The following ANKRD17 variants were observed in gnomAD, a reference collection of about 807,000 sequenced individuals.
ANKRD17 encodes ankyrin repeat domain-containing protein 17.
A neutral mutation model predicts 229.7 loss-of-function variants in ANKRD17; 19 were observed. That is an observed-to-expected ratio of 0.08 (90% CI 0.06 to 0.12). ANKRD17 has a LOEUF of 0.12. Among genes scored for constraint, ANKRD17 ranks in the 10% least tolerant of loss-of-function variants. ANKRD17 has a pLI of 1.00. For synonymous variants in ANKRD17, 1,112 were observed against 1,146.1 expected (o/e 0.97, Z 0.60); for missense variants, 2,176 against 3,176.8 (o/e 0.68, Z 7.57).
chr4:73,212,721 A>G (rs1740452456), intron 1 of ANKRD17, among the ~76,000 whole-genome samples: 1 of 152,166 alleles, frequency 6.6e-6, no homozygotes, highest in South Asian at 2.1e-4. Context: ...TTCTTTGTGA[A>G]ATATAAGAAT....
chr4:73,140,902 T>A (rs1460179763), intron 14 of ANKRD17, among the ~76,000 whole-genome samples: 2 of 152,172 alleles, frequency 1.3e-5, no homozygotes, highest in Non-Finnish European at 2.9e-5. Flanking sequence ...TGGGATTCAG[T>A]TTCCCTGGAA....
intron 1 of ANKRD17, among the ~76,000 whole-genome samples, chr4:73,182,079 A>T (rs1735650581): frequency 6.7e-6 from 1 of 149,274 alleles, no homozygotes; most frequent in Admixed American, 6.7e-5. Context: ...AAAAAAAAAA[A>T]AAAAAAAAAA....
At chr4:73,123,670 T>A (rs1030708506) in intron 18 of ANKRD17, among the ~76,000 whole-genome samples, 4 of 152,114 alleles carry the variant, frequency 2.6e-5, no homozygotes, top group Admixed American at 1.3e-4. Context: ...TTACATAATT[T>A]TATTAGATTT....
At chr4:73,195,078 T>A (rs967931565) in intron 1 of ANKRD17, among the ~76,000 whole-genome samples, 1 of 152,178 alleles carries the variant, frequency 6.6e-6, no homozygotes, top group Non-Finnish European at 1.5e-5. Context: ...TTGTTATCAG[T>A]GGATGATGAA....
chr4:73,125,441 A>G, intron 16 of ANKRD17, 129 bp from the exon 17 acceptor site: 1 of 754,528 alleles, frequency 1.3e-6, no homozygotes, highest in Non-Finnish European at 2.1e-6. Flanking sequence ...GCATTTGAAA[A>G]GCAAGGTTTA....
chr4:73,093,143 T>C (rs1292666194), intron 28 of ANKRD17, among the ~76,000 whole-genome samples: 2 of 152,188 alleles, frequency 1.3e-5, no homozygotes, highest in Admixed American at 6.5e-5. Flanking sequence ...CTCTCCTATA[T>C]AATGCAAAGG....
At chr4:73,177,930 C>A (rs1204468848) in intron 1 of ANKRD17, among the ~76,000 whole-genome samples, 1 of 152,094 alleles carries the variant, frequency 6.6e-6, no homozygotes, top group Admixed American at 6.6e-5. Context: ...ACTGAACTCC[C>A]AAGGACTTTA....
chr4:73,252,453 C>G (rs182106926), intron 1 of ANKRD17, among the ~76,000 whole-genome samples: 25 of 152,272 alleles, frequency 1.6e-4, no homozygotes, highest in African/African-American at 5.3e-4. Flanking sequence ...GACCAAATTC[C>G]CCACTAAATC....
chr4:73,203,790 TAATGTCTGAA>T (rs1739035267), intron 1 of ANKRD17, among the ~76,000 whole-genome samples: 2 of 124,372 alleles, frequency 1.6e-5, no homozygotes, highest in Non-Finnish European at 3.5e-5. Context: ...GAAAAAGAAA[TAATGTCTGAA>T]AATTCTCAAA....
intron 27 of ANKRD17, among the ~76,000 whole-genome samples, chr4:73,094,691 G>A (rs570439628): frequency 1.4e-5 from 2 of 147,920 alleles, no homozygotes; most frequent in Non-Finnish European, 3.0e-5. Flanking sequence ...ACATATATAT[G>A]TATATACGTA....
chr4:73,181,493 C>G (rs920158185), intron 1 of ANKRD17, among the ~76,000 whole-genome samples: 21 of 152,222 alleles, frequency 1.4e-4, no homozygotes, highest in Non-Finnish European at 4.4e-5. Context: ...CATTACAAAA[C>G]AAGTGAAGAG....
rs1472043429 is a variant in ANKRD17, at chr4:73,102,390, T to G, written c.4559A>C (p.Lys1520Thr). 6.3e-7 allele frequency: 1 copy of G among 1,582,298 alleles called. No individual in the cohort carries two copies. Among genetic ancestry groups the G allele is most frequent in the South Asian group, 1.2e-5 (1 of 83,644 alleles). Residue 1520 changes from lysine (K) to threonine (T), a missense_variant, in exon 25 of 34, where the codon AAG becomes ACG. Transcript: ENST00000358602. ...AGAGAAAATACCTTCAACTTTAAGC[T>G]TTTCTTTTTCTTGAGCAGCTTGGAG... ...FELQAAQEKE[K>T]LKVEDEPEVL...
intron 1 of ANKRD17, among the ~76,000 whole-genome samples, chr4:73,231,466 A>G (rs988579121): frequency 6.6e-6 from 1 of 152,176 alleles, no homozygotes; most frequent in South Asian, 2.1e-4. Context: ...TTTCCAGCCT[A>G]ATCTATTCAT....
chr4:73,087,594 G>T (rs1228673383), intron 29 of ANKRD17, among the ~76,000 whole-genome samples: 1 of 152,208 alleles, frequency 6.6e-6, no homozygotes, highest in African/African-American at 2.4e-5. Flanking sequence ...AAAGTAATGT[G>T]TGAATCTTGA....
chr4:73,085,220 C>T (rs1721995641), intron 30 of ANKRD17, 29 bp downstream of exon 30: 3 of 1,601,774 alleles, frequency 1.9e-6, no homozygotes, highest in African/African-American at 1.3e-5. Context: ...TATGCAGATT[C>T]TTATGGAATT....
intron 1 of ANKRD17, among the ~76,000 whole-genome samples, chr4:73,186,371 TAA>T (rs1331556067): frequency 2.0e-5 from 3 of 152,060 alleles, no homozygotes; most frequent in Non-Finnish European, 4.4e-5. Context: ...ATCTTTCTTG[TAA>T]AAAGAATGGT....
intron 1 of ANKRD17, among the ~76,000 whole-genome samples, chr4:73,223,965 C>G (rs560972223): frequency 3.3e-5 from 5 of 152,172 alleles, no homozygotes; most frequent in African/African-American, 7.2e-5. Flanking sequence ...GAAAAAGGAA[C>G]AATGGGCCGA....
At chr4:73,146,950 C>T in intron 9 of ANKRD17, 77 bp from the exon 10 acceptor site, 2 of 1,186,636 alleles carry the variant, frequency 1.7e-6, no homozygotes, top group Non-Finnish European at 2.4e-6. Context: ...AAAACTTCTT[C>T]TAGATAAGTC....
Position 73,147,341 on chromosome 4 carries a change from T to C in ANKRD17, c.1659A>G (p.Leu553=), listed in dbSNP as rs763364493. ...CGGFLEVADF[L]IKAGADIELG... ...GTTCTATATCGGCTCCTGCCTTAAT[T>C]AGAAAGTCTGCCACTTCCAGAAAGC... The change falls in exon 9 of 34, where the codon CTA becomes CTG. Residue 553 remains leucine, a synonymous_variant. Transcript: ENST00000358602. 1.9e-6 allele frequency: 3 copies of C among 1,610,522 alleles called. No homozygotes were observed. Among genetic ancestry groups the C allele is most frequent in the East Asian group, 4.5e-5 (2 of 44,742 alleles).
Sources: gnomAD v4.1 joint callset for allele counts (sites outside exome capture counted in the v4.1 genomes callset) on GRCh38, gnomAD v4.1.1 for gene constraint, MANE v1.5 for transcripts, NCBI Gene and HGNC (gene_info 2026-07-23, HGNC 2026-07-21) for gene names.